The following CADPS2 variants were observed in gnomAD, a reference collection of about 807,000 sequenced individuals.
The protein encoded by CADPS2 is calcium-dependent secretion activator 2.
A neutral mutation model predicts 172.5 loss-of-function variants in CADPS2; 93 were observed. The ratio of observed to expected loss-of-function variants is 0.54; its 90% confidence interval spans 0.46 to 0.64. The LOEUF (loss-of-function observed/expected upper bound fraction) is 0.64. Among genes scored for constraint, CADPS2 ranks in the 30% least tolerant of loss-of-function variants. CADPS2 has a pLI of 0.00. For synonymous variants in CADPS2, 546 were observed against 555.2 expected, an observed-to-expected ratio of 0.98 and a Z score of 0.23; for missense variants, 1,420 against 1,565.9, an observed-to-expected ratio of 0.91 and a Z score of 1.57.
chr7:122,831,923 T>C (rs1164521192), intron 1 of CADPS2, among the ~76,000 whole-genome samples: 1 of 152,210 alleles, frequency 6.6e-6, no homozygotes, highest in African/African-American at 2.4e-5. Flanking sequence ...TATATTTCAA[T>C]ACTCCAAAGA....
intron 1 of CADPS2, among the ~76,000 whole-genome samples, chr7:122,883,484 A>T (rs13244705): frequency 6.6e-6 from 1 of 152,186 alleles, no homozygotes; most frequent in Non-Finnish European, 1.5e-5. Context: ...AATAAAATAA[A>T]CAACGGATTA....
chr7:122,484,650 T>A (rs1447379599), intron 11 of CADPS2, among the ~76,000 whole-genome samples: 2 of 144,316 alleles, frequency 1.4e-5, no homozygotes, highest in Admixed American at 7.1e-5. Context: ...ATGGACTTCA[T>A]CAAAATTAAG....
chr7:122,539,768 T>A (rs1304884078), intron 8 of CADPS2, among the ~76,000 whole-genome samples: 1 of 152,032 alleles, frequency 6.6e-6, no homozygotes, highest in Non-Finnish European at 1.5e-5. Context: ...TCTGTCTCTG[T>A]CTCTCTCTTT....
rs551121404 is a variant in CADPS2 at position 122,820,556 on chromosome 7, GTTTTT to G, written c.339+65438_339+65442del. Among the ~76,000 whole-genome samples the G allele has an allele frequency of 6.9e-5, 6 of 86,536 alleles. 1 individual carries two copies. The highest frequency in any genetic ancestry group is 3.1e-4 in the African/African-American group (6 of 19,472). 56.8% of individuals were successfully genotyped at this position (86,536 alleles called of 152,430 possible). A position where few individuals can be genotyped will look rare whatever the true frequency, so the allele number is the denominator to read the frequency against. The stretch of plus-strand genomic sequence containing the variant: ...TTGACCTTACTGTTTTTTGTTTTTT[GTTTTT>G]TTTTTTTTTTTTTTTTGAGACGGAG... On this transcript the variant is annotated intron_variant, in intron 1 of 29. Transcript: ENST00000449022.
intron 1 of CADPS2, among the ~76,000 whole-genome samples, chr7:122,758,301 CAAAGA>C (rs1484256623): frequency 6.6e-6 from 1 of 152,032 alleles, no homozygotes; most frequent in Non-Finnish European, 1.5e-5. Flanking sequence ...CTCAGCAGAA[CAAAGA>C]AAAGTTCAGG....
chr7:122,427,149 CTTTTTCT>C (rs1426445502), intron 17 of CADPS2: 6 of 137,912 alleles, frequency 4.4e-5, no homozygotes, highest in African/African-American at 1.4e-4. Context: ...TGTGTTTTAA[CTTTTTCT>C]TTTTTCTTTT....
intron 3 of CADPS2, among the ~76,000 whole-genome samples, chr7:122,638,406 T>G (rs1470563449): frequency 6.6e-6 from 1 of 151,998 alleles, no homozygotes; most frequent in Non-Finnish European, 1.5e-5. Context: ...ATGAGTGGAG[T>G]CACCCAATTC....
intron 2 of CADPS2, among the ~76,000 whole-genome samples, chr7:122,671,468 C>A (rs1347695952): frequency 3.3e-5 from 5 of 152,082 alleles, no homozygotes; most frequent in African/African-American, 7.2e-5. Context: ...GTGGCTCATG[C>A]CTGAAATCGC....
chr7:122,336,436 A>G (rs1322910786), intron 28 of CADPS2, among the ~76,000 whole-genome samples: 2 of 152,228 alleles, frequency 1.3e-5, no homozygotes, highest in Admixed American at 6.5e-5. Context: ...TCTCAGGGGA[A>G]GCCTGGACAT....
At chr7:122,322,668 A>G (rs553510337) in intron 29 of CADPS2, among the ~76,000 whole-genome samples, 3 of 152,342 alleles carry the variant, frequency 2.0e-5, no homozygotes, top group East Asian at 3.9e-4. Context: ...CCCCTCCCCC[A>G]AAAAATCATT....
intron 4 of CADPS2, among the ~76,000 whole-genome samples, chr7:122,628,660 GA>G (rs758754757): frequency 6.6e-6 from 1 of 150,776 alleles, no homozygotes; most frequent in South Asian, 2.1e-4. Flanking sequence ...TTAAGTACTA[GA>G]AAAAACTCAT....
chr7:122,871,793 T>C (rs1308756776), intron 1 of CADPS2, among the ~76,000 whole-genome samples: 1 of 152,146 alleles, frequency 6.6e-6, no homozygotes, highest in Non-Finnish European at 1.5e-5. Context: ...GCTCTTTCAT[T>C]AGTTTCTGTG....
intron 8 of CADPS2, among the ~76,000 whole-genome samples, chr7:122,550,596 A>G (rs1389515375): frequency 6.6e-6 from 1 of 151,876 alleles, no homozygotes; most frequent in African/African-American, 2.4e-5. Flanking sequence ...GTTCCATTTT[A>G]TTTTACTTTT....
At chr7:122,468,151 T>C (rs112700984) in intron 14 of CADPS2, among the ~76,000 whole-genome samples, 27 of 152,192 alleles carry the variant, frequency 1.8e-4, no homozygotes, top group African/African-American at 6.3e-4. Context: ...ACTGTTGTCC[T>C]TCACTTCAGT....
chr7:122,519,763 T>C (rs1004633500), intron 8 of CADPS2, among the ~76,000 whole-genome samples: 3 of 152,088 alleles, frequency 2.0e-5, no homozygotes, highest in African/African-American at 7.2e-5. Context: ...AATTTTTGAT[T>C]ATATATTTAA....
intron 1 of CADPS2, among the ~76,000 whole-genome samples, chr7:122,852,245 T>C (rs1813854689): frequency 6.6e-6 from 1 of 152,186 alleles, no homozygotes; most frequent in Admixed American, 6.5e-5. Context: ...GGACTCTACC[T>C]AGGAGATCTA....
intron 1 of CADPS2, among the ~76,000 whole-genome samples, chr7:122,801,188 A>G (rs1056822845): frequency 2.0e-5 from 3 of 152,206 alleles, no homozygotes; most frequent in African/African-American, 7.2e-5. Flanking sequence ...GATAGAGACC[A>G]AAACAGAATG....
chr7:122,686,709 G>C (rs1249825822), intron 2 of CADPS2, among the ~76,000 whole-genome samples: 1 of 152,208 alleles, frequency 6.6e-6, no homozygotes, highest in Non-Finnish European at 1.5e-5. Context: ...TCTCCACCCT[G>C]ACAGAGTCTC....
chr7:122,729,674 C>T lies in CADPS2; in HGVS notation c.453+7281G>A, dbSNP rs563512827. Among the ~76,000 whole-genome samples, 41 of 108,580 alleles carry T rather than the reference C, an allele frequency of 3.8e-4. No individual in the cohort carries two copies. The South Asian group carries it at 9.6e-3, about 25-fold the overall frequency. 71.2% of individuals were successfully genotyped at this position (108,580 alleles called of 152,430 possible). On this transcript the variant is annotated intron_variant, in intron 2 of 29. Coordinates refer to ENST00000449022, the MANE Select transcript of CADPS2 (RefSeq NM_017954.11). ...ATTTATGCCCTTTGCCCATTTTTAA[C>T]GGTTTTTTTTTTTTTTTTTTTTTAC...
Sources: gnomAD v4.1 joint callset for allele counts (sites outside exome capture counted in the v4.1 genomes callset) on GRCh38, gnomAD v4.1.1 for gene constraint, MANE v1.5 for transcripts, NCBI Gene and HGNC (gene_info 2026-07-23, HGNC 2026-07-21) for gene names.